HSPA14: variants seen among roughly 807,000 people sequenced by gnomAD.
HSPA14 encodes the protein heat shock 70 kDa protein 14.
A neutral mutation model predicts 65.5 loss-of-function variants in HSPA14; 37 were observed. The observed-to-expected ratio is 0.56, with a 90% CI of 0.43 to 0.74. The LOEUF (loss-of-function observed/expected upper bound fraction) is 0.74. HSPA14 is among the 30% of genes least tolerant of loss of function. The probability of loss-of-function intolerance (pLI) is 0.00; values close to 1 mark genes in which losing one functional copy is unlikely to be tolerated. For missense variants in HSPA14, 564 were observed against 607.6 expected (o/e 0.93, Z 0.75); for synonymous variants, 203 against 214.2 (o/e 0.95, Z 0.46).
intron 10 of HSPA14, among the ~76,000 whole-genome samples, chr10:14,864,996 T>G (rs1423223153): frequency 6.6e-6 from 1 of 152,198 alleles, no homozygotes; most frequent in African/African-American, 2.4e-5. Flanking sequence ...GTTTCCTGAC[T>G]TTTTAATGAT....
intron 10 of HSPA14, among the ~76,000 whole-genome samples, chr10:14,860,162 T>C (rs1334558690): frequency 6.6e-6 from 1 of 152,230 alleles, no homozygotes. Context: ...ATTTTGCTTA[T>C]TTATCTTACA....
At chr10:14,861,696 T>C (rs541893029) in intron 10 of HSPA14, among the ~76,000 whole-genome samples, 1 of 152,204 alleles carries the variant, frequency 6.6e-6, no homozygotes, top group South Asian at 2.1e-4. Flanking sequence ...CCAACAAACA[T>C]TGGTTACTGG....
Position 14,845,327 on chromosome 10 carries a change from T to C in HSPA14, c.222-3282T>C, listed in dbSNP as rs187781812. Reference sequence around the variant, plus strand: ...TTGGAAAAATAACAAAGAGTGGGCATGTTGGGGGAGGTTTTATTTTCTATC... The same window carrying C: ...TTGGAAAAATAACAAAGAGTGGGCACGTTGGGGGAGGTTTTATTTTCTATC... On this transcript the variant is annotated intron_variant, in intron 3 of 13. Coordinates refer to ENST00000378372, the MANE Select transcript of HSPA14 (RefSeq NM_016299.4). 608 of 985,252 alleles carry C rather than the reference T, an allele frequency of 6.2e-4. 1 individual carries two copies. In the African/African-American group the frequency reaches 9.8e-3, roughly 16 times the overall value. 61.0% of individuals were successfully genotyped at this position (985,252 alleles called of 1,614,324 possible).
intron 5 of HSPA14, 119 bp from the exon 6 acceptor site, chr10:14,849,602 G>A (rs1204232789): frequency 6.2e-6 from 5 of 811,784 alleles, no homozygotes; most frequent in Admixed American, 4.2e-5. Flanking sequence ...GGCGGGGTGG[G>A]CAAGCAAGTG....
At chr10:14,847,588 T>C (rs1384841538) in intron 3 of HSPA14, among the ~76,000 whole-genome samples, 1 of 152,222 alleles carries the variant, frequency 6.6e-6, no homozygotes, top group Admixed American at 6.5e-5. Flanking sequence ...ATGAGGAACC[T>C]GCAAGTATTC....
intron 12 of HSPA14, 59 bp downstream of exon 12, chr10:14,867,968 A>G (rs960796728): frequency 7.4e-7 from 1 of 1,351,906 alleles, no homozygotes; most frequent in Non-Finnish European, 1.0e-6. Flanking sequence ...GATTAGATTC[A>G]GTTTAATATC....
chr10:14,866,990 C>T (rs930704457), intron 10 of HSPA14, 93 bp from the exon 11 acceptor site: 5 of 834,536 alleles, frequency 6.0e-6, no homozygotes, highest in African/African-American at 1.7e-5. Flanking sequence ...TTTATCTTTA[C>T]ATACGATGAA....
chr10:14,845,108 T>G, intron 3 of HSPA14: 1 of 985,440 alleles, frequency 1.0e-6, no homozygotes, highest in Non-Finnish European at 1.2e-6. Flanking sequence ...CGTGAACAGA[T>G]GAGCCTCCTC....
At chr10:14,841,374 A>G (rs1034750745) in intron 3 of HSPA14, 5 of 152,222 alleles carry the variant, frequency 3.3e-5, no homozygotes, top group African/African-American at 1.2e-4. Flanking sequence ...TGAGCAGCCA[A>G]CAATATGATT....
chr10:14,840,195 GA>G (rs1833955493), intron 3 of HSPA14, 38 bp downstream of exon 3: 1 of 992,344 alleles, frequency 1.0e-6, no homozygotes. Flanking sequence ...ATGGTAATAG[GA>G]ACATGTTCAT....
In HSPA14 at chr10:14,842,481, T is replaced by G. The variant is rs1833986722; in HGVS notation, c.221+2324T>G. On this transcript the variant is annotated intron_variant, in intron 3 of 13. Transcript: ENST00000378372. The surrounding 1 kb of genome is among the most constrained non-coding windows in gnomAD (Gnocchi z 5.2). ...ACCGAACGTCAGTGCCGCTCCAAGT[T>G]TAAAGTTCTGAAGGCATTATATTTA... 6.5e-7 allele frequency: 1 copy of G among 1,536,020 alleles called. No homozygotes were observed. The highest frequency in any genetic ancestry group is 1.4e-5 in the African/African-American group (1 of 73,030).
rs750828036 is a variant in HSPA14 at position 14,842,263 on chromosome 10, T to G, written c.221+2106T>G. On this transcript the variant is annotated intron_variant, in intron 3 of 13. Coordinates refer to ENST00000378372, the MANE Select transcript of HSPA14 (RefSeq NM_016299.4). This position sits in a 1 kb window ranked among gnomAD's most constrained non-coding sequence, Gnocchi z 5.2. ...TGCACCTTGCTGTCCAGAAGCTGCC[T>G]AGCCCTCCTTTCCAACCCACAATGG... The G allele has an allele frequency of 1.1e-5, 17 of 1,535,034 alleles. No individual in the cohort carries two copies. The East Asian group carries it at 3.9e-4, about 35-fold the overall frequency.
At position 14,839,989 on chromosome 10, in the gene HSPA14, C is replaced by T. The variant is rs573083813; in HGVS notation, c.138+4C>T. 8 of 1,601,628 alleles carry T rather than the reference C, an allele frequency of 5.0e-6. No homozygotes were observed. In the South Asian group the frequency reaches 8.9e-5, roughly 18 times the overall value. On this transcript the variant is annotated splice_donor_region_variant and intron_variant, in intron 2 of 13. Coordinates refer to ENST00000378372, the MANE Select transcript of HSPA14 (RefSeq NM_016299.4). Reference sequence around the variant, plus strand: ...TGCTTACTCAGAAAATGAAGAGGTACTAGTCCCCCCATTTTTGTACTTCTG... The same window carrying T: ...TGCTTACTCAGAAAATGAAGAGGTATTAGTCCCCCCATTTTTGTACTTCTG...
chr10:14,844,663 G>C, intron 3 of HSPA14: 1 of 980,986 alleles, frequency 1.0e-6, no homozygotes. Context: ...CCGCCATTGT[G>C]TGTTACGGTT....
intron 10 of HSPA14, among the ~76,000 whole-genome samples, chr10:14,865,403 T>C (rs1460210091): frequency 6.6e-6 from 1 of 152,116 alleles, no homozygotes; most frequent in Non-Finnish European, 1.5e-5. Context: ...TGCCCATGCC[T>C]ATGTCCTGAA....
chr10:14,854,047 A>C (rs1834127263), intron 8 of HSPA14, 78 bp from the exon 9 acceptor site: 1 of 1,319,630 alleles, frequency 7.6e-7, no homozygotes, highest in East Asian at 2.5e-5. Context: ...TGTTTTAATA[A>C]GGATTATCCA....
intron 3 of HSPA14, chr10:14,843,306 T>C: frequency 6.5e-7 from 1 of 1,539,796 alleles, no homozygotes; most frequent in Non-Finnish European, 8.8e-7. Flanking sequence ...TCAGCTCTGC[T>C]GCTGGCTCCA....
rs1188948786 is a variant in HSPA14 at position 14,850,499 on chromosome 10, C to G, written c.467+688C>G. Among the ~76,000 whole-genome samples the G allele has an allele frequency of 3.9e-5, 6 of 152,190 alleles. No individual in the cohort carries two copies. The East Asian group carries it at 1.2e-3, about 29-fold the overall frequency. On this transcript the variant is annotated intron_variant, in intron 6 of 13. Coordinates refer to ENST00000378372, the MANE Select transcript of HSPA14 (RefSeq NM_016299.4). ...CTAAACAGAAAAGTTATAGTTTTTACAGGTCATTATGCAAATGTATTGGTG... is the reference window on the plus strand; with the variant it reads ...CTAAACAGAAAAGTTATAGTTTTTAGAGGTCATTATGCAAATGTATTGGTG...
At chr10:14,866,591 T>C (rs1282599483) in intron 10 of HSPA14, among the ~76,000 whole-genome samples, 19 of 152,340 alleles carry the variant, frequency 1.2e-4, no homozygotes, top group Non-Finnish European at 1.0e-4. Context: ...TGCAGTTTTA[T>C]AAATCAGCTC....
Sources: allele counts gnomAD v4.1 joint callset (sites outside exome capture counted in the v4.1 genomes callset), GRCh38; gene constraint gnomAD v4.1.1; non-coding constraint Gnocchi (gnomAD v3.1); transcripts MANE v1.5; gene names NCBI Gene and HGNC (gene_info 2026-07-23, HGNC 2026-07-21).